Variants in MTMR2 observed in about 807,000 individuals in gnomAD.
The protein encoded by MTMR2 is phosphatidylinositol-3,5-bisphosphate 3-phosphatase MTMR2.
In MTMR2, 55 loss-of-function variants were observed where a neutral mutation model predicts 86.9. The observed-to-expected ratio is 0.63, with a 90% CI of 0.51 to 0.79. The LOEUF (loss-of-function observed/expected upper bound fraction) is 0.79, where lower values mean the gene tolerates loss of function less well. Among genes scored for constraint, MTMR2 ranks in the 30% least tolerant of loss-of-function variants. The pLI is 0.00. For missense variants in MTMR2, 659 were observed against 772.3 expected (o/e 0.85, Z 1.74); for synonymous variants, 241 against 266.8 (o/e 0.90, Z 0.94).
chr11:95,865,725 C>T (rs1864590879), intron 2 of MTMR2, 49 bp from the exon 3 acceptor site: 1 of 1,445,874 alleles, frequency 6.9e-7, no homozygotes, highest in African/African-American at 1.4e-5. Flanking sequence ...TCAAAGGCTA[C>T]TTTTTCACTC....
intron 1 of MTMR2, among the ~76,000 whole-genome samples, chr11:95,911,692 G>A (rs543742780): frequency 2.0e-5 from 3 of 152,232 alleles, no homozygotes; most frequent in Non-Finnish European, 4.4e-5. Context: ...AAACTAAACT[G>A]AAAACTGGTC....
intron 3 of MTMR2, among the ~76,000 whole-genome samples, chr11:95,863,885 G>C (rs1184098904): frequency 1.3e-5 from 2 of 152,068 alleles, no homozygotes; most frequent in African/African-American, 4.8e-5. Context: ...TTCCTCAAGA[G>C]ATCATGACAA....
chr11:95,885,828 G>A lies in MTMR2; in HGVS notation c.186+2328C>T, dbSNP rs1431126679. ...AATTACAGTGAAAAAACCTAACACCGCCTCAACCAAGTGATCAAGGTTATC... is the reference window on the plus strand; with the variant it reads ...AATTACAGTGAAAAAACCTAACACCACCTCAACCAAGTGATCAAGGTTATC... On this transcript the variant is annotated intron_variant, in intron 2 of 14. Transcript: ENST00000346299. Among the ~76,000 whole-genome samples, 4 of 151,974 alleles carry A rather than the reference G, an allele frequency of 2.6e-5. No individual in the cohort carries two copies. In the East Asian group the frequency reaches 5.8e-4, roughly 22 times the overall value.
At chr11:95,873,711 C>T (rs1054170186) in intron 2 of MTMR2, among the ~76,000 whole-genome samples, 11 of 151,808 alleles carry the variant, frequency 7.2e-5, no homozygotes, top group Admixed American at 2.0e-4. Flanking sequence ...TAGATCTTTC[C>T]ACTTTCTCTT....
chr11:95,865,350 AAAAC>A (rs1864572086), intron 3 of MTMR2: 1 of 472,416 alleles, frequency 2.1e-6, no homozygotes. Flanking sequence ...TAAAGAAAGT[AAAAC>A]AAACCAGAGA....
At chr11:95,889,501 A>C (rs1197075404) in intron 1 of MTMR2, among the ~76,000 whole-genome samples, 3 of 125,914 alleles carry the variant, frequency 2.4e-5, no homozygotes, top group African/African-American at 9.0e-5. Context: ...CAAGAACAAA[A>C]ATTATGTCTT....
At chr11:95,836,729 G>C (rs528345315) in intron 13 of MTMR2, among the ~76,000 whole-genome samples, 1 of 151,950 alleles carries the variant, frequency 6.6e-6, no homozygotes. Context: ...GATATAAAAT[G>C]TATGAACCTT....
At chr11:95,846,680 T>C (rs1427325735) in intron 10 of MTMR2, among the ~76,000 whole-genome samples, 1 of 152,196 alleles carries the variant, frequency 6.6e-6, no homozygotes, top group Non-Finnish European at 1.5e-5. Context: ...TTAGAGACCA[T>C]GTTGAAACTG....
chr11:95,898,965 A>G (rs1012972620), intron 1 of MTMR2, among the ~76,000 whole-genome samples: 5 of 152,160 alleles, frequency 3.3e-5, no homozygotes, highest in Non-Finnish European at 5.9e-5. Context: ...CGTACTTATA[A>G]TGCAGTTAGA....
At chr11:95,859,947 A>G (rs1864347847) in intron 5 of MTMR2, among the ~76,000 whole-genome samples, 1 of 152,208 alleles carries the variant, frequency 6.6e-6, no homozygotes, top group Non-Finnish European at 1.5e-5. Flanking sequence ...TAGGTGAGAT[A>G]CTCAGAATCA....
chr11:95,841,776 T>C (rs1375295210), intron 11 of MTMR2, 67 bp from the exon 12 acceptor site: 11 of 1,332,454 alleles, frequency 8.3e-6, no homozygotes, highest in Non-Finnish European at 1.2e-5. Flanking sequence ...AAATAATTTT[T>C]TAAAAAAATA....
chr11:95,837,473 A>G (rs928101664), intron 13 of MTMR2, among the ~76,000 whole-genome samples: 1 of 152,060 alleles, frequency 6.6e-6, no homozygotes, highest in Non-Finnish European at 1.5e-5. Flanking sequence ...TAAGATGTTG[A>G]TACATAGGAT....
chr11:95,870,149 G>C (rs1864799325), intron 2 of MTMR2, among the ~76,000 whole-genome samples: 1 of 152,140 alleles, frequency 6.6e-6, no homozygotes, highest in South Asian at 2.1e-4. Context: ...CAAAAAGTAA[G>C]CCAGATAAAT....
chr11:95,886,000 A>C (rs569889442), intron 2 of MTMR2, among the ~76,000 whole-genome samples: 34 of 152,262 alleles, frequency 2.2e-4, no homozygotes, highest in Middle Eastern at 6.8e-3. Context: ...AAATACCATC[A>C]AGTCATCAAA....
intron 1 of MTMR2, among the ~76,000 whole-genome samples, chr11:95,892,804 C>T (rs1865758340): frequency 1.3e-5 from 2 of 152,168 alleles, no homozygotes; most frequent in Non-Finnish European, 2.9e-5. Context: ...TTTTAGTCCA[C>T]AGTGAATAAA....
intron 6 of MTMR2, among the ~76,000 whole-genome samples, chr11:95,857,989 G>A (rs1864271741): frequency 6.6e-6 from 1 of 152,104 alleles, no homozygotes; most frequent in East Asian, 1.9e-4. Flanking sequence ...GGAGTCATAA[G>A]ACCAACGTTG....
intron 2 of MTMR2, among the ~76,000 whole-genome samples, chr11:95,873,315 T>C (rs1000896239): frequency 1.4e-4 from 21 of 152,240 alleles, no homozygotes; most frequent in African/African-American, 5.1e-4. Context: ...GGGATTCAAC[T>C]TCTTCCTGGT....
At position 95,924,052 on chromosome 11, in the gene MTMR2, C is replaced by A; in HGVS notation, c.-98G>T. 2 of 1,468,418 alleles carry A rather than the reference C, an allele frequency of 1.4e-6. No individual in the cohort carries two copies. The highest frequency in any genetic ancestry group is 2.4e-5 in the South Asian group (2 of 82,318). 91.0% of individuals were successfully genotyped at this position (1,468,418 alleles called of 1,614,324 possible). On this transcript the variant is annotated 5_prime_UTR_variant, in exon 1 of 15. An upstream open reading frame in the 5' UTR loses its in-frame stop. Transcript: ENST00000346299. ...GAGTGCTACGGACCGGGGCCGCAGTCAGGCCAGCGCCGGCCCGGGAGGGAG... is the reference window on the plus strand; with the variant it reads ...GAGTGCTACGGACCGGGGCCGCAGTAAGGCCAGCGCCGGCCCGGGAGGGAG...
chr11:95,861,935 TA>T, intron 5 of MTMR2, 56 bp downstream of exon 5: 7 of 1,231,570 alleles, frequency 5.7e-6, no homozygotes, highest in Non-Finnish European at 8.3e-6. Flanking sequence ...ACAGAGGTTC[TA>T]TTTAATACAA....
Sources: gnomAD v4.1 joint callset for allele counts (sites outside exome capture counted in the v4.1 genomes callset) on GRCh38, gnomAD v4.1.1 for gene constraint, MANE v1.5 for transcripts, NCBI Gene and HGNC (gene_info 2026-07-23, HGNC 2026-07-21) for gene names.